The following GNAS variants were observed in gnomAD, a reference collection of about 807,000 sequenced individuals.
GNAS encodes the protein GNAS complex locus, also known as protein ALEX.
A neutral mutation model predicts 54.5 loss-of-function variants in GNAS; 8 were observed. The observed-to-expected ratio is 0.15, with a 90% confidence interval of 0.09 to 0.26. The LOEUF (loss-of-function observed/expected upper bound fraction) is 0.26. GNAS is among the 10% of genes least tolerant of loss of function. GNAS has a pLI of 1.00. For missense variants in GNAS, 170 were observed against 529.8 expected (o/e 0.32, Z 6.67); for synonymous variants, 204 against 191.4 (o/e 1.07, Z -0.54).
At chr20:58,869,131 G>C (rs543764207) in intron 1 of GNAS, among the ~76,000 whole-genome samples, 1 of 152,208 alleles carries the variant, frequency 6.6e-6, no homozygotes, top group Non-Finnish European at 1.5e-5. Flanking sequence ...GAAAGCACAC[G>C]ATCAGGTAAC....
At chr20:58,900,833 T>G (rs951889931) in intron 3 of GNAS, among the ~76,000 whole-genome samples, 1 of 152,230 alleles carries the variant, frequency 6.6e-6, no homozygotes, top group Non-Finnish European at 1.5e-5. Flanking sequence ...TGGAAGAATT[T>G]TATGTTTTAG....
chr20:58,889,629 G>C (rs2088926898), upstream of GNAS: 1 of 152,362 alleles, frequency 6.6e-6, no homozygotes, highest in Non-Finnish European at 1.5e-5. Context: ...GTTTCTCGCT[G>C]TTGTTGGGTG....
At chr20:58,877,161 G>T (rs80156142) in intron 1 of GNAS, among the ~76,000 whole-genome samples, 1 of 148,710 alleles carries the variant, frequency 6.7e-6, no homozygotes, top group East Asian at 2.0e-4. Flanking sequence ...TTTTTTTTCC[G>T]GTTTTTACAG....
In GNAS at chr20:58,853,272, G is replaced by A. The variant is rs781303953; in HGVS notation, c.43+12386G>A. 5.8e-6 allele frequency: 9 copies of A among 1,546,196 alleles called. No homozygotes were observed. The highest frequency in any genetic ancestry group is 1.2e-5 in the South Asian group (1 of 83,970). ...GAGAGGCCGCCACCGTGTTATGGGCGTGCGCAACTGCCTCTACGGCAATAA... is the reference window on the plus strand; with the variant it reads ...GAGAGGCCGCCACCGTGTTATGGGCATGCGCAACTGCCTCTACGGCAATAA... On this transcript the variant is annotated intron_variant, in intron 1 of 12. Transcript: ENST00000306090. This position sits in a 1 kb window ranked among gnomAD's most constrained non-coding sequence, Gnocchi z 4.4.
At chr20:58,854,320 C>A in intron 1 of GNAS, 1 of 1,597,820 alleles carries the variant, frequency 6.3e-7, no homozygotes, top group Non-Finnish European at 8.5e-7. Context: ...GCAGAGAGAC[C>A]CCCAGTTGAG....
rs768351857 is a variant in GNAS at position 58,909,135 on chromosome 20, C to T, written c.531-27C>T. The T allele has an allele frequency of 5.0e-6, 8 of 1,605,728 alleles. No individual in the cohort carries two copies. The highest frequency in any genetic ancestry group is 2.2e-5 in the East Asian group (1 of 44,874). ...CAAATTGATGTGAGCGCTGTGAACACCCCACGTGTCTTTCTTTTTCTCCCA... is the reference window on the plus strand; with the variant it reads ...CAAATTGATGTGAGCGCTGTGAACATCCCACGTGTCTTTCTTTTTCTCCCA... On this transcript the variant is annotated intron_variant, in intron 6 of 12. Coordinates refer to ENST00000371085, the MANE Select transcript of GNAS (RefSeq NM_000516.7). This position sits in a 1 kb window ranked among gnomAD's most constrained non-coding sequence, Gnocchi z 7.3.
At chr20:58,897,610 G>A (rs2090187596) in intron 2 of GNAS, 1 of 152,090 alleles carries the variant, frequency 6.6e-6, no homozygotes, top group Non-Finnish European at 1.5e-5. Context: ...CTCCCTAAGC[G>A]AGCCAGCCTG....
intron 1 of GNAS, chr20:58,842,482 C>A: frequency 2.5e-6 from 1 of 398,624 alleles, no homozygotes; most frequent in Non-Finnish European, 4.4e-6. Flanking sequence ...GGCGTCGCGG[C>A]GCCCAAGACT....
intron 5 of GNAS, 137 bp downstream of exon 5, chr20:58,903,928 G>A: frequency 1.2e-6 from 1 of 851,744 alleles, no homozygotes; most frequent in South Asian, 1.4e-5. Flanking sequence ...TTTCAGTGAT[G>A]TCCATCCTTA....
At chr20:58,869,043 T>C (rs2087258463) in intron 1 of GNAS, among the ~76,000 whole-genome samples, 1 of 152,176 alleles carries the variant, frequency 6.6e-6, no homozygotes, top group Admixed American at 6.5e-5. Context: ...TTTAAAAGGT[T>C]TCAGTTGAGC....
intron 1 of GNAS, among the ~76,000 whole-genome samples, chr20:58,843,016 T>C (rs6123832): frequency 0.58 from 88,743 of 152,078 alleles, 26,840 homozygotes; most frequent in East Asian, 0.8. Context: ...AAGCCCAACA[T>C]AGGGATGTTT....
chr20:58,891,885 G>GCCGGCC lies in GNAS; in HGVS notation c.139+28_139+33dup, dbSNP rs762099356. 1.5e-5 allele frequency: 17 copies of GCCGGCC among 1,120,532 alleles called. No homozygotes were observed. The highest frequency in any genetic ancestry group is 8.4e-5 in the Admixed American group (3 of 35,564). The allele number at this position is 1,120,532 out of a possible 1,614,324, so 69.4% of individuals were successfully genotyped here. On this transcript the variant is annotated intron_variant, in intron 1 of 12. Coordinates refer to ENST00000371085, the MANE Select transcript of GNAS (RefSeq NM_000516.7). Reference sequence around the variant, plus strand: ...TGCTGGGTAAGGGCGGGCGGGGGGCGCCGGCCCCGGCCCGGGGGCCCTCGA... The same window carrying GCCGGCC: ...TGCTGGGTAAGGGCGGGCGGGGGGCGCCGGCCCCGGCCCCGGCCCGGGGGCCCTCGA...
At chr20:58,854,645 C>A (rs564999682) in intron 1 of GNAS, 1 of 1,530,246 alleles carries the variant, frequency 6.5e-7, no homozygotes, top group South Asian at 1.2e-5. Flanking sequence ...CGGCCCCTGA[C>A]GCCCCAGCCG....
At chr20:58,872,292 T>C (rs575162586) in intron 1 of GNAS, among the ~76,000 whole-genome samples, 1 of 152,234 alleles carries the variant, frequency 6.6e-6, no homozygotes, top group South Asian at 2.1e-4. Flanking sequence ...CTTATCCCAC[T>C]AAGTGGTTTT....
intron 6 of GNAS, among the ~76,000 whole-genome samples, chr20:58,906,062 C>T (rs867069951): frequency 2.6e-5 from 4 of 152,040 alleles, no homozygotes; most frequent in South Asian, 2.1e-4. Flanking sequence ...TCCTTCTCAC[C>T]GGGTCTTGAT....
intron 1 of GNAS, chr20:58,854,839 A>C (rs765772344): frequency 6.3e-6 from 10 of 1,596,660 alleles, no homozygotes; most frequent in Non-Finnish European, 8.5e-6. Context: ...GCCAGACGCA[A>C]GATCCATCTC....
intron 1 of GNAS, among the ~76,000 whole-genome samples, chr20:58,868,328 C>CT (rs960814991): frequency 6.6e-6 from 1 of 150,694 alleles, no homozygotes; most frequent in Non-Finnish European, 1.5e-5. Flanking sequence ...CAATATTTGT[C>CT]TTTTTAGTAG....
In GNAS at chr20:58,909,467, C is replaced by T. The variant is rs2146274950; in HGVS notation, c.659+44C>T. The T allele has an allele frequency of 6.2e-7, 1 of 1,610,382 alleles. No individual in the cohort carries two copies. Among genetic ancestry groups the T allele is most frequent in the African/African-American group, 1.3e-5 (1 of 74,956 alleles). ...TTTTATATAACAGAGATCATGGTTT[C>T]TTGACATTCACCCCAGTCCCTCTGG... is the stretch of plus-strand genomic sequence containing the variant. On this transcript the variant is annotated intron_variant, in intron 8 of 12. Transcript: ENST00000371085. The surrounding 1 kb of genome is among the most constrained non-coding windows in gnomAD (Gnocchi z 7.3).
chr20:58,903,854 G>A, intron 5 of GNAS, 63 bp downstream of exon 5: 2 of 1,575,374 alleles, frequency 1.3e-6, no homozygotes, highest in Admixed American at 3.3e-5. Flanking sequence ...GTCCATATAG[G>A]AACATGAGTG....
Sources: gnomAD v4.1 joint callset for allele counts (sites outside exome capture counted in the v4.1 genomes callset) on GRCh38, gnomAD v4.1.1 for gene constraint, Gnocchi (gnomAD v3.1) non-coding constraint, MANE v1.5 for transcripts, NCBI Gene and HGNC (gene_info 2026-07-23, HGNC 2026-07-21) for gene names.